Variants in XRCC4 observed in about 807,000 individuals in gnomAD.
XRCC4 encodes DNA repair protein XRCC4.
XRCC4 carries 28 observed loss-of-function variants against 39.1 expected under a neutral mutation model. The observed-to-expected ratio is 0.72, with a 90% CI of 0.53 to 0.98. The LOEUF is 0.98. XRCC4 is among the 50% of genes least tolerant of loss of function. The pLI, the probability that XRCC4 is intolerant of heterozygous loss-of-function variation, is 0.00. For synonymous variants in XRCC4, 123 were observed against 126.4 expected, an observed-to-expected ratio of 0.97 and a Z score of 0.18; for missense variants, 350 against 376.4, an observed-to-expected ratio of 0.93 and a Z score of 0.58.
At chr5:83,207,928 G>T (rs1003349193) in intron 6 of XRCC4, among the ~76,000 whole-genome samples, 4 of 151,996 alleles carry the variant, frequency 2.6e-5, no homozygotes, top group African/African-American at 9.6e-5. Flanking sequence ...ATTTATTTTA[G>T]ATATTGCAAT....
intron 3 of XRCC4, among the ~76,000 whole-genome samples, chr5:83,177,315 GT>G (rs1203796150): frequency 2.0e-5 from 3 of 152,050 alleles, no homozygotes; most frequent in Non-Finnish European, 2.9e-5. Flanking sequence ...AAAAGCTTTA[GT>G]TTTAGCATAA....
intron 3 of XRCC4, among the ~76,000 whole-genome samples, chr5:83,134,648 G>T (rs1258750441): frequency 6.6e-6 from 1 of 152,166 alleles, no homozygotes; most frequent in Non-Finnish European, 1.5e-5. Flanking sequence ...CCAGATAAGG[G>T]AATAAACGCA....
At chr5:83,270,908 C>T (rs1221657888) in intron 7 of XRCC4, among the ~76,000 whole-genome samples, 2 of 151,836 alleles carry the variant, frequency 1.3e-5, no homozygotes, top group Non-Finnish European at 2.9e-5. Context: ...GCCTCAGCCT[C>T]CTAAGTAGCT....
At chr5:83,180,160 AT>A (rs1470954467) in intron 3 of XRCC4, among the ~76,000 whole-genome samples, 1 of 152,184 alleles carries the variant, frequency 6.6e-6, no homozygotes. Context: ...ATTGATCTAA[AT>A]TGAAAGGGAT....
At chr5:83,326,675 G>A (rs912739549) in intron 7 of XRCC4, among the ~76,000 whole-genome samples, 2 of 151,886 alleles carry the variant, frequency 1.3e-5, no homozygotes, top group African/African-American at 4.8e-5. Flanking sequence ...TGAGTTTTTT[G>A]TAATGTACAG....
chr5:83,359,268 G>A, the XRCC4 span, among the ~76,000 whole-genome samples: 1 of 152,056 alleles, frequency 6.6e-6, no homozygotes, highest in Non-Finnish European at 1.5e-5. Flanking sequence ...ATTGATATAG[G>A]GCTCAGAGGA....
chr5:83,206,782 T>C (rs976336393), intron 6 of XRCC4, among the ~76,000 whole-genome samples: 2 of 152,108 alleles, frequency 1.3e-5, no homozygotes, highest in Non-Finnish European at 2.9e-5. Context: ...GAAATCTGTC[T>C]CTAAAAATAT....
intron 3 of XRCC4, among the ~76,000 whole-genome samples, chr5:83,112,431 G>T (rs1023114765): frequency 1.3e-5 from 2 of 152,080 alleles, no homozygotes; most frequent in African/African-American, 2.4e-5. Context: ...TTTGTGCAGC[G>T]ATTTTCTAGT....
At chr5:83,302,867 C>G (rs200230428) in intron 7 of XRCC4, among the ~76,000 whole-genome samples, 2 of 152,050 alleles carry the variant, frequency 1.3e-5, no homozygotes, top group East Asian at 3.8e-4. Flanking sequence ...ATTTGTATCC[C>G]CATTTTATAT....
intron 2 of XRCC4, among the ~76,000 whole-genome samples, chr5:83,105,988 C>A (rs1746179907): frequency 1.3e-5 from 2 of 152,070 alleles, no homozygotes; most frequent in Admixed American, 1.3e-4. Context: ...TGAATTTATA[C>A]TTACAGAGTT....
intron 3 of XRCC4, among the ~76,000 whole-genome samples, chr5:83,144,932 G>A (rs1405183636): frequency 6.6e-6 from 1 of 152,040 alleles, no homozygotes; most frequent in African/African-American, 2.4e-5. Context: ...GTCTCACTCT[G>A]TTGCCCAGGC....
chr5:83,094,386 C>T (rs1745576870), intron 1 of XRCC4, among the ~76,000 whole-genome samples: 1 of 137,626 alleles, frequency 7.3e-6, no homozygotes, highest in Non-Finnish European at 1.6e-5. Context: ...TCTTCCCCTC[C>T]TCTCCCCTCT....
intron 3 of XRCC4, among the ~76,000 whole-genome samples, chr5:83,175,066 C>A (rs1049828074): frequency 3.9e-5 from 6 of 152,134 alleles, no homozygotes; most frequent in Admixed American, 2.0e-4. Context: ...TTTCTTGTAG[C>A]ATTCTACAGA....
intron 2 of XRCC4, among the ~76,000 whole-genome samples, chr5:83,106,804 A>G (rs900208930): frequency 6.6e-6 from 1 of 152,038 alleles, no homozygotes; most frequent in African/African-American, 2.4e-5. Flanking sequence ...GGTACCTACG[A>G]AATACATTCT....
At chr5:83,280,479 A>G (rs80129843) in intron 7 of XRCC4, 11,149 of 824,844 alleles carry the variant, frequency 0.014, 200 homozygotes, top group East Asian at 0.065. Context: ...AAATTGAGGT[A>G]TGTAGTAGAA....
chr5:83,286,464 G>T (rs1045160027), intron 7 of XRCC4, among the ~76,000 whole-genome samples: 2 of 152,068 alleles, frequency 1.3e-5, no homozygotes, highest in African/African-American at 2.4e-5. Flanking sequence ...GTGATTATGG[G>T]GGCTGGCAAG....
chr5:83,182,527 A>G lies in XRCC4; in HGVS notation c.316-13243A>G, dbSNP rs534827681. On this transcript the variant is annotated intron_variant, in intron 3 of 7. Coordinates refer to ENST00000396027, the MANE Select transcript of XRCC4 (RefSeq NM_003401.5). ...GGACAGAAGAAATGAGGTAATCTAT[A>G]CAAATCCCTTCACCATTGTTTTGAA... is the stretch of plus-strand genomic sequence containing the variant. Among the ~76,000 whole-genome samples the G allele has an allele frequency of 4.6e-5, 7 of 152,340 alleles. No individual in the cohort carries two copies. In the South Asian group the frequency reaches 1.4e-3, roughly 32 times the overall value.
chr5:83,158,703 A>G (rs2112576168), intron 3 of XRCC4, among the ~76,000 whole-genome samples: 1 of 152,252 alleles, frequency 6.6e-6, no homozygotes, highest in South Asian at 2.1e-4. Context: ...AATTGCAAAC[A>G]ATTTTAATTG....
chr5:83,287,046 T>G (rs78267455), intron 7 of XRCC4, among the ~76,000 whole-genome samples: 1 of 152,014 alleles, frequency 6.6e-6, no homozygotes, highest in Non-Finnish European at 1.5e-5. Context: ...GGATTAAGAT[T>G]CGTGTATGTT....
Sources: allele counts gnomAD v4.1 joint callset (sites outside exome capture counted in the v4.1 genomes callset), GRCh38; gene constraint gnomAD v4.1.1; transcripts MANE v1.5; gene names NCBI Gene and HGNC (gene_info 2026-07-23, HGNC 2026-07-21).